GALNT17: variants seen among roughly 807,000 people sequenced by gnomAD.
The protein encoded by GALNT17 is UDP-GalNAc:polypeptide N-acetylgalactosaminyltransferase-like 3.
In GALNT17, 29 loss-of-function variants were observed where a neutral mutation model predicts 63.7. The ratio of observed to expected loss-of-function variants is 0.46; its 90% CI spans 0.34 to 0.62. The LOEUF is 0.62. Ranked by LOEUF, GALNT17 falls within the 20% of genes least tolerant of loss-of-function variation. The pLI is 0.01. For synonymous variants in GALNT17, 305 were observed against 318.3 expected (o/e 0.96, Z 0.45); for missense variants, 603 against 799.6 (o/e 0.75, Z 2.97).
At chr7:71,254,824 G>A (rs1349055754) in intron 1 of GALNT17, among the ~76,000 whole-genome samples, 32 of 152,210 alleles carry the variant, frequency 2.1e-4, no homozygotes, top group Admixed American at 2.0e-3. Context: ...GCTGAAAACA[G>A]GAATCTGAAA....
chr7:71,531,987 G>C (rs1788728261), intron 5 of GALNT17, among the ~76,000 whole-genome samples: 1 of 152,274 alleles, frequency 6.6e-6, no homozygotes, highest in African/African-American at 2.4e-5. Context: ...GAACACGGGA[G>C]GGACCTGGAC....
intron 1 of GALNT17, among the ~76,000 whole-genome samples, chr7:71,206,264 A>C (rs1002878632): frequency 6.6e-6 from 1 of 151,758 alleles, no homozygotes; most frequent in Non-Finnish European, 1.5e-5. Context: ...GCTCAGCAGC[A>C]CCTGGGCAGG....
At chr7:71,222,222 C>G (rs1789599481) in intron 1 of GALNT17, among the ~76,000 whole-genome samples, 1 of 151,870 alleles carries the variant, frequency 6.6e-6, no homozygotes, top group Non-Finnish European at 1.5e-5. Context: ...TTAGATTTTA[C>G]CAGATTTCCC....
chr7:71,186,098 G>T (rs541231892), intron 1 of GALNT17, among the ~76,000 whole-genome samples: 1 of 152,262 alleles, frequency 6.6e-6, no homozygotes, highest in South Asian at 2.1e-4. Flanking sequence ...TTCCAAAAAT[G>T]GTAATCCATG....
At chr7:71,542,467 C>G (rs1056861256) in intron 5 of GALNT17, among the ~76,000 whole-genome samples, 1 of 151,848 alleles carries the variant, frequency 6.6e-6, no homozygotes, top group African/African-American at 2.4e-5. Flanking sequence ...GAGGCCGAGG[C>G]GGGCAGATCA....
intron 1 of GALNT17, among the ~76,000 whole-genome samples, chr7:71,259,102 T>G (rs941046400): frequency 1.3e-5 from 2 of 152,110 alleles, no homozygotes; most frequent in Non-Finnish European, 2.9e-5. Flanking sequence ...CGGGGAGACC[T>G]AGGTTGAGTT....
intron 1 of GALNT17, among the ~76,000 whole-genome samples, chr7:71,277,231 T>G (rs1368763855): frequency 6.6e-6 from 1 of 151,930 alleles, no homozygotes; most frequent in Non-Finnish European, 1.5e-5. Context: ...GTGAACTAAC[T>G]GAGAAACAGA....
At chr7:71,457,449 C>G (rs73365659) in intron 5 of GALNT17, among the ~76,000 whole-genome samples, 1 of 151,978 alleles carries the variant, frequency 6.6e-6, no homozygotes, top group African/African-American at 2.4e-5. Context: ...AGGACAAGTC[C>G]GTAGAGTAAA....
chr7:71,183,842 A>G (rs1788781487), intron 1 of GALNT17, among the ~76,000 whole-genome samples: 1 of 151,916 alleles, frequency 6.6e-6, no homozygotes, highest in Non-Finnish European at 1.5e-5. Context: ...GTGAGCCAAG[A>G]TTGTGCCATT....
chr7:71,618,533 T>G (rs905400643), intron 6 of GALNT17, among the ~76,000 whole-genome samples: 1 of 152,204 alleles, frequency 6.6e-6, no homozygotes, highest in African/African-American at 2.4e-5. Flanking sequence ...GGTATCTCAC[T>G]GTGGTTTTGA....
chr7:71,658,303 A>C (rs1790859382), intron 6 of GALNT17, among the ~76,000 whole-genome samples: 1 of 152,210 alleles, frequency 6.6e-6, no homozygotes, highest in African/African-American at 2.4e-5. Flanking sequence ...GACTCTCCAA[A>C]ATGATGAAAA....
intron 2 of GALNT17, among the ~76,000 whole-genome samples, chr7:71,347,475 G>A (rs1792116638): frequency 1.3e-5 from 2 of 152,084 alleles, no homozygotes; most frequent in Admixed American, 1.3e-4. Flanking sequence ...TCAGGCACAA[G>A]CCACCACACC....
intron 2 of GALNT17, among the ~76,000 whole-genome samples, chr7:71,366,770 TTA>T (rs1364391025): frequency 6.6e-6 from 1 of 152,202 alleles, no homozygotes; most frequent in African/African-American, 2.4e-5. Flanking sequence ...CTCTGCCTGT[TTA>T]TATGTCACCC....
chr7:71,479,743 C>T (rs956798552), intron 5 of GALNT17, among the ~76,000 whole-genome samples: 7 of 152,070 alleles, frequency 4.6e-5, no homozygotes, highest in Admixed American at 2.0e-4. Flanking sequence ...TTGAACAGGC[C>T]GGGTCTTGAA....
chr7:71,547,837 TAAAG>T (rs1308089248), intron 5 of GALNT17, among the ~76,000 whole-genome samples: 1 of 152,140 alleles, frequency 6.6e-6, no homozygotes, highest in Non-Finnish European at 1.5e-5. Context: ...ATTTTTCAGA[TAAAG>T]AAATGAGTTG....
rs917563476 is a variant in GALNT17 at position 71,604,480 on chromosome 7, CA to C, written c.1080+33079del. ...ATGTTAAGTGCTCATTGCCTTATTTCATTCTTAGAACTGACCAATGAACTAT... is the reference window on the plus strand; with the variant it reads ...ATGTTAAGTGCTCATTGCCTTATTTCTTCTTAGAACTGACCAATGAACTAT... On this transcript the variant is annotated intron_variant, in intron 6 of 10. Transcript: ENST00000333538. Among the ~76,000 whole-genome samples, 46 of 152,224 alleles carry C rather than the reference CA, an allele frequency of 3.0e-4. 1 individual carries two copies. Among genetic ancestry groups the C allele is most frequent in the Non-Finnish European group, 2.9e-5 (2 of 68,036 alleles).
chr7:71,673,017 C>A (rs509834), intron 8 of GALNT17, among the ~76,000 whole-genome samples: 12 of 151,982 alleles, frequency 7.9e-5, no homozygotes, highest in South Asian at 2.1e-4. Flanking sequence ...TCCCCCTATC[C>A]GCAAATGAAC....
chr7:71,535,495 G>C (rs1788789088), intron 5 of GALNT17, among the ~76,000 whole-genome samples: 1 of 152,210 alleles, frequency 6.6e-6, no homozygotes, highest in African/African-American at 2.4e-5. Context: ...AAAGAGGGCA[G>C]TGGAATAAAA....
intron 5 of GALNT17, among the ~76,000 whole-genome samples, chr7:71,543,065 A>G (rs2116811172): frequency 6.6e-6 from 1 of 150,978 alleles, no homozygotes; most frequent in African/African-American, 2.4e-5. Flanking sequence ...CCCACACACC[A>G]AAAGAATTTT....
Sources: gnomAD v4.1 joint callset for allele counts (sites outside exome capture counted in the v4.1 genomes callset) on GRCh38, gnomAD v4.1.1 for gene constraint, MANE v1.5 for transcripts, NCBI Gene and HGNC (gene_info 2026-07-23, HGNC 2026-07-21) for gene names.